SEMA4A: variants seen among roughly 807,000 people sequenced by gnomAD.
SEMA4A encodes semaphorin 4A.
Under a neutral mutation model 72.5 loss-of-function variants are expected in SEMA4A, and 52 were observed. That is an observed-to-expected ratio of 0.72 (90% CI 0.57 to 0.90). SEMA4A has a LOEUF of 0.90. Among genes scored for constraint, SEMA4A ranks in the 40% least tolerant of loss-of-function variants. The probability of loss-of-function intolerance (pLI) is 0.00; values close to 1 mark genes in which losing one functional copy is unlikely to be tolerated. For missense variants in SEMA4A, 926 were observed against 959.7 expected (o/e 0.96, Z 0.46); for synonymous variants, 369 against 393.1 (o/e 0.94, Z 0.73).
In SEMA4A at chr1:156,176,645, A is replaced by T. The variant is rs761289852; in HGVS notation, c.1934A>T (p.Gln645Leu). Residue 645 changes from glutamine to leucine, a missense_variant, in exon 15 of 15, where the codon CAG becomes CTG. Physicochemically the swap from Gln to Leu is moderately radical, Grantham distance 113 (BLOSUM62 -2). Transcript: ENST00000368285. ...TCCTACTGGGTGGACAGCCAGGACCAGACCCTGGCCCTGGATCCTGAACTG... is the reference window on the plus strand; with the variant it reads ...TCCTACTGGGTGGACAGCCAGGACCTGACCCTGGCCCTGGATCCTGAACTG... ...VISYWVDSQD[Q>L]TLALDPELAG... 6.2e-7 allele frequency: 1 copy of T among 1,614,224 alleles called. No individual in the cohort carries two copies. Among genetic ancestry groups the T allele is most frequent in the South Asian group, 1.1e-5 (1 of 91,088 alleles).
intron 1 of SEMA4A, 113 bp from the exon 2 acceptor site, chr1:156,154,437 C>A: frequency 1.0e-6 from 1 of 956,720 alleles, no homozygotes; most frequent in Non-Finnish European, 1.6e-6. Flanking sequence ...CCCAATGCCC[C>A]ACCCCTGCCA....
chr1:156,173,256 C>G (rs1240510968), intron 11 of SEMA4A, among the ~76,000 whole-genome samples: 1 of 152,072 alleles, frequency 6.6e-6, no homozygotes, highest in Non-Finnish European at 1.5e-5. Flanking sequence ...TTATCAAGAG[C>G]TGTGTGTCTT....
At chr1:156,174,340 A>C (rs1469911395) in intron 11 of SEMA4A, among the ~76,000 whole-genome samples, 4 of 152,222 alleles carry the variant, frequency 2.6e-5, no homozygotes, top group African/African-American at 9.6e-5. Flanking sequence ...TGTGGAGTGG[A>C]TGGAGACAGA....
chr1:156,151,278 G>T (rs544358482), upstream of SEMA4A, among the ~76,000 whole-genome samples: 2 of 152,236 alleles, frequency 1.3e-5, no homozygotes, highest in Non-Finnish European at 2.9e-5. Flanking sequence ...GCCCTGTGTG[G>T]CTGCACAGGT....
rs1158781443 is a variant in SEMA4A, at chr1:156,160,922, G to T, written c.703G>T (p.Ala235Ser). The change falls in exon 8 of 15, where the codon GCA becomes TCA. Residue 235 changes from alanine (A) to serine (S), a missense_variant. Physicochemically the swap from Ala to Ser is moderately conservative, Grantham distance 99. Coordinates refer to ENST00000368285, the MANE Select transcript of SEMA4A (RefSeq NM_022367.4). The part of the protein sequence containing the change: ...RWLHHDASFV[A>S]AIPSTQVVYF... Reference sequence around the variant, plus strand: ...CCCCGCAGATGACGCCTCCTTTGTGGCAGCCATCCCTTCGACCCAGGTCGT... The same window carrying T: ...CCCCGCAGATGACGCCTCCTTTGTGTCAGCCATCCCTTCGACCCAGGTCGT... 5 of 1,613,658 alleles carry T rather than the reference G, an allele frequency of 3.1e-6. No homozygotes were observed. The Admixed American group carries it at 6.7e-5, about 22-fold the overall frequency.
In SEMA4A at chr1:156,174,950, G is replaced by T; in HGVS notation, c.1434+10G>T. The T allele has an allele frequency of 1.2e-6, 2 of 1,614,224 alleles. No individual in the cohort carries two copies. Among genetic ancestry groups the T allele is most frequent in the East Asian group, 4.5e-5 (2 of 44,888 alleles). On this transcript the variant is annotated intron_variant, in intron 12 of 14. Coordinates refer to ENST00000368285, the MANE Select transcript of SEMA4A (RefSeq NM_022367.4). The stretch of plus-strand genomic sequence containing the variant: ...GCTGGCCCCCACCCAGGTGGGAAGG[G>T]ACCTGACCATCAAATGGCCTTCCAG...
At chr1:156,161,655 AC>A in intron 9 of SEMA4A, 137 bp downstream of exon 9, 1 of 839,576 alleles carries the variant, frequency 1.2e-6, no homozygotes, top group East Asian at 2.9e-5. Flanking sequence ...TTAAATCGTC[AC>A]CACCTCTCAG....
intron 14 of SEMA4A, 98 bp downstream of exon 14, chr1:156,175,754 G>C (rs965560342): frequency 1.1e-6 from 1 of 879,224 alleles, no homozygotes; most frequent in African/African-American, 1.7e-5. Flanking sequence ...CCCAGCACCT[G>C]CCTGGCTTGA....
In SEMA4A at chr1:156,154,710, C is replaced by G; in HGVS notation, c.132C>G (p.Tyr44Ter). ...GGQGPMPRVR[Y>*]YAGDERRALS... ...AGGGGCCCATGCCCAGGGTCAGATA[C>G]TATGCAGGTAAGTGTCCGACAGCAG... Residue 44 changes from tyrosine to a stop codon, truncating the protein, a stop_gained, in exon 2 of 15, where the codon TAC becomes TAG. Transcript: ENST00000368285. LOFTEE classifies it high-confidence loss of function. 6.3e-7 allele frequency: 1 copy of G among 1,583,572 alleles called. No individual in the cohort carries two copies. The highest frequency in any genetic ancestry group is 8.6e-7 in the Non-Finnish European group (1 of 1,165,154).
Position 156,154,833 on chromosome 1 carries a change from A to G in SEMA4A, c.139+116A>G, listed in dbSNP as rs1239638087. The G allele has an allele frequency of 5.5e-5, 67 of 1,227,150 alleles. 2 individuals are homozygous for G. The South Asian group carries it at 9.0e-4, about 17-fold the overall frequency. The allele number at this position is 1,227,150 out of a possible 1,614,324, so 76.0% of individuals were successfully genotyped here. A position where few individuals can be genotyped will look rare whatever the true frequency, so the allele number is the denominator to read the frequency against. On this transcript the variant is annotated intron_variant, in intron 2 of 14. Transcript: ENST00000368285. The stretch of plus-strand genomic sequence containing the variant: ...TGGATATGGAGAAACAGGGACACAG[A>G]GAGAGATGCCAGGGAGAAACAGAGG...
Position 156,159,021 on chromosome 1 carries a change from G to A in SEMA4A, c.568+197G>A, listed in dbSNP as rs1416907592. ...TTGAGTCTAGCCTGGGCAACACAGC[G>A]AGATCGTCTCAAAAAAAAAAAAAAA... On this transcript the variant is annotated intron_variant, in intron 6 of 14. Coordinates refer to ENST00000368285, the MANE Select transcript of SEMA4A (RefSeq NM_022367.4). 7.8e-5 allele frequency: 35 copies of A among 446,164 alleles called. 2 individuals are homozygous for A. Among genetic ancestry groups the A allele is most frequent in the South Asian group, 5.4e-4 (23 of 42,574 alleles). 27.6% of individuals were successfully genotyped at this position (446,164 alleles called of 1,614,324 possible). A position where few individuals can be genotyped will look rare whatever the true frequency, so the allele number is the denominator to read the frequency against.
chr1:156,175,583 G>C lies in SEMA4A; in HGVS notation c.1620G>C (p.Arg540=). The C allele has an allele frequency of 6.2e-7, 1 of 1,613,702 alleles. No homozygotes were observed. The highest frequency in any genetic ancestry group is 1.3e-5 in the African/African-American group (1 of 75,056). The change falls in exon 14 of 15, where the codon CGG becomes CGC. Residue 540 remains arginine, a synonymous_variant. Coordinates refer to ENST00000368285, the MANE Select transcript of SEMA4A (RefSeq NM_022367.4). ...ACTCCTGGAAGCAGGACATGGAGCG[G>C]GGGAACCCAGAGTGGGCATGTGCCA... ...NLNSWKQDME[R]GNPEWACASG...
At position 156,161,511 on chromosome 1, in the gene SEMA4A, T is replaced by TC; in HGVS notation, c.979dup (p.Gln327ProfsTer21). 1 of 1,613,834 alleles carries TC rather than the reference T, an allele frequency of 6.2e-7. No homozygotes were observed. The highest frequency in any genetic ancestry group is 1.1e-5 in the South Asian group (1 of 91,018). On this transcript the variant is annotated frameshift_variant, in exon 9 of 15. Transcript: ENST00000368285. LOFTEE classifies it high-confidence loss of function. ...TCCCCACATCTACGCAGTCTTCACC[T>TC]CCCAGTGGTGAGCAGCAGGGCTGGA... is the stretch of plus-strand genomic sequence containing the variant.
intron 10 of SEMA4A, among the ~76,000 whole-genome samples, chr1:156,169,019 C>G (rs1467407741): frequency 6.6e-6 from 1 of 152,184 alleles, no homozygotes; most frequent in Non-Finnish European, 1.5e-5. Flanking sequence ...TCCAGAAACC[C>G]TCTGTTTTAC....
intron 10 of SEMA4A, among the ~76,000 whole-genome samples, chr1:156,168,284 C>T (rs545551525): frequency 1.3e-5 from 2 of 151,708 alleles, no homozygotes; most frequent in Non-Finnish European, 2.9e-5. Context: ...TGCAGTGGCA[C>T]GATCTCGGCT....
chr1:156,154,595 T>C lies in SEMA4A; in HGVS notation c.17T>C (p.Leu6Pro), dbSNP rs950481013. The change falls in exon 2 of 15, where the codon CTG becomes CCG. Residue 6 changes from leucine to proline, a missense_variant. Leu to Pro is a moderately conservative substitution (Grantham distance 98). Transcript: ENST00000368285. Reference sequence around the variant, plus strand: ...TGGCTGAGCATGGCCCTCCCAGCCCTGGGCCTGGACCCCTGGAGCCTCCTG... The same window carrying C: ...TGGCTGAGCATGGCCCTCCCAGCCCCGGGCCTGGACCCCTGGAGCCTCCTG... MALPA[L>P]GLDPWSLLGL... 6.2e-7 allele frequency: 1 copy of C among 1,610,902 alleles called. No individual in the cohort carries two copies. The highest frequency in any genetic ancestry group is 1.1e-5 in the South Asian group (1 of 90,492).
At chr1:156,154,260 CA>C (rs1427227465) in intron 1 of SEMA4A, 25 of 400,462 alleles carry the variant, frequency 6.2e-5, no homozygotes, top group Admixed American at 8.0e-5. Context: ...GAGAGTAAGG[CA>C]AAAAAAGGCA....
chr1:156,162,031 G>C (rs1202094528), intron 9 of SEMA4A, among the ~76,000 whole-genome samples: 5 of 152,190 alleles, frequency 3.3e-5, no homozygotes, highest in Non-Finnish European at 7.4e-5. Context: ...GGGAGGCCGA[G>C]GTGGGCAGAT....
intron 10 of SEMA4A, among the ~76,000 whole-genome samples, chr1:156,171,520 T>C (rs1043766610): frequency 6.6e-5 from 10 of 152,186 alleles, no homozygotes; most frequent in Admixed American, 5.2e-4. Context: ...GAGCACCAAC[T>C]GTGTGCCAGA....
Sources: allele counts gnomAD v4.1 joint callset (sites outside exome capture counted in the v4.1 genomes callset), GRCh38; gene constraint gnomAD v4.1.1; transcripts MANE v1.5; gene names NCBI Gene and HGNC (gene_info 2026-07-23, HGNC 2026-07-21).